Variants in SLC60A1 observed in about 807,000 individuals in gnomAD.
The protein encoded by SLC60A1 is solute carrier family 60 member 1, also known as major facilitator superfamily domain containing 4.
chr1:205,598,353 A>C, the SLC60A1 span: 1 of 154,180 alleles, frequency 6.5e-6, no homozygotes, highest in Non-Finnish European at 1.4e-5. Flanking sequence ...GAAAAAAAAA[A>C]AAACAACCTA....
At chr1:205,597,108 G>A in the SLC60A1 span, among the ~76,000 whole-genome samples, 50,693 of 152,080 alleles carry the variant, frequency 0.33, 9,550 homozygotes, top group East Asian at 0.5. Context: ...CTGCACCAGA[G>A]GGCTAGCCTC....
the SLC60A1 span, among the ~76,000 whole-genome samples, chr1:205,588,493 A>AGAG: frequency 7.4e-6 from 1 of 135,770 alleles, no homozygotes; most frequent in African/African-American, 2.8e-5. Flanking sequence ...AAAAAAAAGA[A>AGAG]AGAGAAAATA....
At chr1:205,583,542 C>T in the SLC60A1 span, among the ~76,000 whole-genome samples, 1 of 152,202 alleles carries the variant, frequency 6.6e-6, no homozygotes, top group African/African-American at 2.4e-5. Context: ...TAAGTGATAA[C>T]ATCCCCCAGC....
chr1:205,582,940 G>A, the SLC60A1 span, among the ~76,000 whole-genome samples: 1 of 152,186 alleles, frequency 6.6e-6, no homozygotes, highest in South Asian at 2.1e-4. Flanking sequence ...GGGGCTGGCA[G>A]TCTGCCAGCC....
chr1:205,569,184 C>A, the SLC60A1 span: 3 of 1,546,014 alleles, frequency 1.9e-6, no homozygotes, highest in Non-Finnish European at 1.7e-6. Context: ...GGGGCCCACG[C>A]TGCTGGACCT....
the SLC60A1 span, among the ~76,000 whole-genome samples, chr1:205,582,893 G>C: frequency 6.6e-6 from 1 of 152,214 alleles, no homozygotes; most frequent in Non-Finnish European, 1.5e-5. Context: ...CCTGCCTCCA[G>C]GGGCAGGGAA....
At chr1:205,587,098 T>C in the SLC60A1 span, among the ~76,000 whole-genome samples, 1 of 152,162 alleles carries the variant, frequency 6.6e-6, no homozygotes, top group African/African-American at 2.4e-5. Flanking sequence ...GTTAAGACCC[T>C]TGCCTTGGTG....
chr1:205,602,753 A>G, the SLC60A1 span: 1 of 152,226 alleles, frequency 6.6e-6, no homozygotes, highest in Non-Finnish European at 1.5e-5. Flanking sequence ...ATGAAAAAGC[A>G]GTTGTATTTT....
chr1:205,573,094 T>C, the SLC60A1 span, among the ~76,000 whole-genome samples: 12 of 150,142 alleles, frequency 8.0e-5, no homozygotes, highest in Non-Finnish European at 1.6e-4. Flanking sequence ...GAGACTCCAG[T>C]GTCAAAACCA....
At chr1:205,597,373 G>GT in the SLC60A1 span, among the ~76,000 whole-genome samples, 2,582 of 36,986 alleles carry the variant, frequency 0.07, 244 homozygotes, top group Non-Finnish European at 0.12. Context: ...AACCTAGGTT[G>GT]TTTTTTTTTT....
At chr1:205,571,663 C>T in the SLC60A1 span, among the ~76,000 whole-genome samples, 10 of 152,244 alleles carry the variant, frequency 6.6e-5, no homozygotes, top group African/African-American at 2.2e-4. Flanking sequence ...AGTCTCCCAC[C>T]ACCTTGCTGA....
At chr1:205,580,879 G>A in the SLC60A1 span, 2 of 1,614,012 alleles carry the variant, frequency 1.2e-6, no homozygotes, top group African/African-American at 1.3e-5. This position sits in a 1 kb window ranked among gnomAD's most constrained non-coding sequence, Gnocchi z 5.0. Flanking sequence ...ACGGGGCAGG[G>A]ACCCGAGTGT....
At chr1:205,598,441 A>C in the SLC60A1 span, 14 of 152,920 alleles carry the variant, frequency 9.2e-5, no homozygotes, top group African/African-American at 3.4e-4. Context: ...ACTCAGATGA[A>C]TTTAGCAACT....
chr1:205,589,094 C>T, the SLC60A1 span, among the ~76,000 whole-genome samples: 2 of 152,166 alleles, frequency 1.3e-5, no homozygotes, highest in Middle Eastern at 3.2e-3. Flanking sequence ...TTCAGGGTGA[C>T]GGTCTTTGAG....
chr1:205,581,079 G>A, the SLC60A1 span, among the ~76,000 whole-genome samples: 6 of 152,278 alleles, frequency 3.9e-5, no homozygotes, highest in Middle Eastern at 3.4e-3. This position sits in a 1 kb window ranked among gnomAD's most constrained non-coding sequence, Gnocchi z 4.2. Context: ...AACCCTCCCC[G>A]GGATCCCCTG....
At chr1:205,579,934 G>C in the SLC60A1 span, 1 of 1,613,378 alleles carries the variant, frequency 6.2e-7, no homozygotes, top group African/African-American at 1.3e-5. Flanking sequence ...AGAAGGACTC[G>C]GCCGTCTTCC....
chr1:205,580,685 G>T, the SLC60A1 span: 2 of 1,511,916 alleles, frequency 1.3e-6, no homozygotes, highest in Non-Finnish European at 1.8e-6. The surrounding 1 kb of genome is among the most constrained non-coding windows in gnomAD (Gnocchi z 5.0). Context: ...CGTGGGCTTT[G>T]GTGCTCTGCT....
At chr1:205,571,719 C>G in the SLC60A1 span, among the ~76,000 whole-genome samples, 6 of 152,344 alleles carry the variant, frequency 3.9e-5, no homozygotes, top group Middle Eastern at 6.8e-3. Context: ...CAGCCAGAAG[C>G]TCCACCAGCC....
the SLC60A1 span, chr1:205,592,049 C>G: frequency 1.3e-5 from 20 of 1,549,708 alleles, no homozygotes; most frequent in Non-Finnish European, 1.6e-5. Context: ...AGAGGAAACG[C>G]CAAGCCAGGA....
Sources: allele counts gnomAD v4.1 joint callset (sites outside exome capture counted in the v4.1 genomes callset), GRCh38; gene constraint gnomAD v4.1.1; non-coding constraint Gnocchi (gnomAD v3.1); transcripts MANE v1.5; gene names NCBI Gene and HGNC (gene_info 2026-07-23, HGNC 2026-07-21).